The following LRIG1 variants were observed in gnomAD, a reference collection of about 807,000 sequenced individuals.
The protein encoded by LRIG1 is leucine-rich repeats and immunoglobulin-like domains protein 1.
In LRIG1, 48 loss-of-function variants were observed where a neutral mutation model predicts 99.2. That is an observed-to-expected ratio of 0.48 (90% confidence interval 0.38 to 0.62). The LOEUF (loss-of-function observed/expected upper bound fraction) is 0.62. Among genes scored for constraint, LRIG1 ranks in the 20% least tolerant of loss-of-function variants. The pLI, the probability that LRIG1 is intolerant of heterozygous loss-of-function variation, is 0.00. For synonymous variants in LRIG1, 772 were observed against 596.1 expected (o/e 1.29, Z -4.30); for missense variants, 1,646 against 1,434.4 (o/e 1.15, Z -2.38).
chr3:66,488,603 C>T (rs1194191702), intron 1 of LRIG1, among the ~76,000 whole-genome samples: 1 of 152,026 alleles, frequency 6.6e-6, no homozygotes, highest in African/African-American at 2.4e-5. Context: ...CACCACTGCA[C>T]GCCAACCTGG....
chr3:66,386,345 C>CA (rs758615589), intron 12 of LRIG1, 44 bp from the exon 13 acceptor site: 13 of 1,513,236 alleles, frequency 8.6e-6, no homozygotes, highest in Middle Eastern at 4.1e-4. Flanking sequence ...GTTCTTGGTA[C>CA]ACAGAGGAAC....
At chr3:66,455,047 C>T (rs1215274526) in intron 2 of LRIG1, among the ~76,000 whole-genome samples, 2 of 152,250 alleles carry the variant, frequency 1.3e-5, no homozygotes, top group South Asian at 4.1e-4. Context: ...TGGGTTCAAG[C>T]GATTCTCCTG....
chr3:66,423,562 A>G (rs1321613619), intron 3 of LRIG1, among the ~76,000 whole-genome samples: 1 of 152,116 alleles, frequency 6.6e-6, no homozygotes, highest in Non-Finnish European at 1.5e-5. Context: ...CAAGAGCAAA[A>G]CTCCATCTCA....
chr3:66,407,514 T>C, intron 7 of LRIG1, 23 bp from the exon 8 acceptor site: 1 of 1,612,864 alleles, frequency 6.2e-7, no homozygotes, highest in Non-Finnish European at 8.5e-7. Flanking sequence ...AGGGCAGCAA[T>C]GTCACCATCT....
At chr3:66,456,808 A>G (rs1445133851) in intron 2 of LRIG1, among the ~76,000 whole-genome samples, 1 of 152,122 alleles carries the variant, frequency 6.6e-6, no homozygotes, top group Non-Finnish European at 1.5e-5. Flanking sequence ...TGGCAAGCAC[A>G]CGGCAACACC....
At chr3:66,391,979 T>G (rs1028551787) in intron 12 of LRIG1, among the ~76,000 whole-genome samples, 4 of 152,178 alleles carry the variant, frequency 2.6e-5, no homozygotes, top group Non-Finnish European at 4.4e-5. Context: ...CTCCCCATCC[T>G]TAAACTACTA....
intron 1 of LRIG1, among the ~76,000 whole-genome samples, chr3:66,462,863 G>A (rs1306629428): frequency 2.0e-5 from 3 of 152,034 alleles, no homozygotes; most frequent in Admixed American, 2.0e-4. Flanking sequence ...TATTCTTAAC[G>A]GCATTTTTTT....
Position 66,386,086 on chromosome 3 carries a change from G to A in LRIG1, c.1684C>T (p.Leu562=), listed in dbSNP as rs1206113500. Reference sequence around the variant, plus strand: ...CCGAAAGTGACCTGACGGAGGTGCAGGATGGTGGTGTACTCCATCACTTCC... The same window carrying A: ...CCGAAAGTGACCTGACGGAGGTGCAAGATGGTGGTGTACTCCATCACTTCC... ...DGEVMEYTTI[L]HLRQVTFGHE... is the part of the protein sequence containing the mutation. The change falls in exon 13 of 19, where the codon CTG becomes TTG. Residue 562 remains leucine (L), a synonymous_variant. Transcript: ENST00000273261. 1 of 1,614,180 alleles carries A rather than the reference G, an allele frequency of 6.2e-7. No individual in the cohort carries two copies. The highest frequency in any genetic ancestry group is 2.2e-5 in the East Asian group (1 of 44,884).
chr3:66,459,340 C>T (rs955861886), intron 2 of LRIG1, among the ~76,000 whole-genome samples: 5 of 152,190 alleles, frequency 3.3e-5, no homozygotes, highest in Non-Finnish European at 4.4e-5. Context: ...AAATGCTCAC[C>T]AGAGCATGTA....
At position 66,500,223 on chromosome 3, in the gene LRIG1, A is replaced by C. The variant is rs1273420547; in HGVS notation, c.185T>G (p.Leu62Trp). Residue 62 changes from leucine (L) to tryptophan (W), a missense_variant, in exon 1 of 19, where the codon TTG becomes TGG. Physicochemically the swap from Leu to Trp is moderately conservative, Grantham distance 61. Transcript: ENST00000273261. ...LDCGGRGLAA[L>W]PGDLPSWTRS... ...CGTCCAGGAGGGCAGGTCCCCGGGCAACGCAGCCAGCCCGCGCCCACCGCA... is the reference window on the plus strand; with the variant it reads ...CGTCCAGGAGGGCAGGTCCCCGGGCCACGCAGCCAGCCCGCGCCCACCGCA... 6.6e-7 allele frequency: 1 copy of C among 1,513,150 alleles called. No individual in the cohort carries two copies. Among genetic ancestry groups the C allele is most frequent in the Non-Finnish European group, 8.8e-7 (1 of 1,137,442 alleles). 93.7% of individuals were successfully genotyped at this position (1,513,150 alleles called of 1,614,324 possible). A position where few individuals can be genotyped will look rare whatever the true frequency, so the allele number is the denominator to read the frequency against.
intron 6 of LRIG1, among the ~76,000 whole-genome samples, chr3:66,412,178 T>C (rs1702487469): frequency 6.6e-6 from 1 of 152,186 alleles, no homozygotes; most frequent in Non-Finnish European, 1.5e-5. Flanking sequence ...AACTTAAACA[T>C]CTGCACCCAG....
chr3:66,443,954 C>A (rs1703631721), intron 3 of LRIG1, among the ~76,000 whole-genome samples: 1 of 152,138 alleles, frequency 6.6e-6, no homozygotes, highest in South Asian at 2.1e-4. Flanking sequence ...CAGGTGGGGA[C>A]CCCAGTAGGG....
intron 6 of LRIG1, among the ~76,000 whole-genome samples, 166 bp downstream of exon 6, chr3:66,412,705 C>T (rs1226403280): frequency 1.3e-5 from 2 of 152,220 alleles, no homozygotes; most frequent in Non-Finnish European, 2.9e-5. Flanking sequence ...CACACGCGCA[C>T]GCACACACAC....
At chr3:66,417,403 T>C in intron 3 of LRIG1, 137 bp from the exon 4 acceptor site, 1 of 905,068 alleles carries the variant, frequency 1.1e-6, no homozygotes. Context: ...CTCCTGTTTC[T>C]TTTCCCATCA....
chr3:66,387,638 G>C (rs1701440010), intron 12 of LRIG1: 1 of 151,972 alleles, frequency 6.6e-6, no homozygotes, highest in Non-Finnish European at 1.5e-5. Context: ...TATTTTAAAT[G>C]CCCAATTTTC....
chr3:66,492,932 T>TTTTCTG (rs1277876494), intron 1 of LRIG1, among the ~76,000 whole-genome samples: 2 of 152,190 alleles, frequency 1.3e-5, no homozygotes, highest in Non-Finnish European at 2.9e-5. Context: ...AGTAAACAGC[T>TTTTCTG]TTTCAGGTGG....
chr3:66,397,033 G>A (rs1028156714), intron 11 of LRIG1, among the ~76,000 whole-genome samples: 2 of 152,182 alleles, frequency 1.3e-5, no homozygotes, highest in African/African-American at 2.4e-5. Context: ...CCCTGGGCAC[G>A]GAGCAGCTGT....
chr3:66,425,343 T>C (rs182019570), intron 3 of LRIG1, among the ~76,000 whole-genome samples: 6 of 152,368 alleles, frequency 3.9e-5, no homozygotes, highest in Admixed American at 2.6e-4. Context: ...GGCCCAGCTC[T>C]CATACAAGCT....
At chr3:66,485,682 G>A (rs903656926) in intron 1 of LRIG1, among the ~76,000 whole-genome samples, 21 of 152,182 alleles carry the variant, frequency 1.4e-4, no homozygotes, top group African/African-American at 5.1e-4. Flanking sequence ...GAAACCAAAG[G>A]AACATGGAAC....
Sources: gnomAD v4.1 joint callset for allele counts (sites outside exome capture counted in the v4.1 genomes callset) on GRCh38, gnomAD v4.1.1 for gene constraint, MANE v1.5 for transcripts, NCBI Gene and HGNC (gene_info 2026-07-23, HGNC 2026-07-21) for gene names.